NPHP4: variants seen among roughly 807,000 people sequenced by gnomAD.
NPHP4 encodes the protein nephrocystin 4, also known as nephrocystin-4.
Under a neutral mutation model 155.8 loss-of-function variants are expected in NPHP4, and 151 were observed. That is an observed-to-expected ratio of 0.97 (90% confidence interval 0.85 to 1.11). NPHP4 has a LOEUF of 1.11. NPHP4 is among the 50% of genes least tolerant of loss of function. NPHP4 has a pLI of 0.00. For synonymous variants in NPHP4, 845 were observed against 816.8 expected (o/e 1.03, Z -0.59); for missense variants, 1,956 against 1,925.7 (o/e 1.02, Z -0.29).
chr1:5,930,785 G>T (rs1646234417), intron 10 of NPHP4, among the ~76,000 whole-genome samples: 1 of 152,216 alleles, frequency 6.6e-6, no homozygotes, highest in South Asian at 2.1e-4. Flanking sequence ...TTCCGATCCA[G>T]TTGGTCGATG....
chr1:5,875,610 C>CG (rs1445978658), intron 20 of NPHP4, among the ~76,000 whole-genome samples: 1 of 152,102 alleles, frequency 6.6e-6, no homozygotes, highest in Non-Finnish European at 1.5e-5. Context: ...TCAGCCACCC[C>CG]CTTGCTCTGA....
At chr1:5,940,946 T>G in intron 9 of NPHP4, among the ~76,000 whole-genome samples, 1 of 152,118 alleles carries the variant, frequency 6.6e-6, no homozygotes, top group East Asian at 1.9e-4. Flanking sequence ...CTAGACCTCT[T>G]GATACAAAAG....
intron 16 of NPHP4, among the ~76,000 whole-genome samples, chr1:5,896,076 G>A (rs1380344645): frequency 6.6e-6 from 1 of 152,180 alleles, no homozygotes; most frequent in African/African-American, 2.4e-5. Flanking sequence ...TAGAAAACAG[G>A]GAAAATAAAA....
intron 9 of NPHP4, among the ~76,000 whole-genome samples, chr1:5,943,276 A>G (rs1278653201): frequency 6.6e-6 from 1 of 152,168 alleles, no homozygotes; most frequent in African/African-American, 2.4e-5. Flanking sequence ...TCTTGGCAAA[A>G]CTTTTGTTCC....
intron 11 of NPHP4, among the ~76,000 whole-genome samples, chr1:5,917,358 GA>G (rs1645527337): frequency 6.6e-6 from 1 of 152,082 alleles, no homozygotes; most frequent in African/African-American, 2.4e-5. Context: ...ACCATGTGGA[GA>G]AACTCTACCC....
At chr1:5,891,640 T>C (rs1371677482) in intron 16 of NPHP4, among the ~76,000 whole-genome samples, 1 of 152,250 alleles carries the variant, frequency 6.6e-6, no homozygotes, top group Non-Finnish European at 1.5e-5. Context: ...AAAAATGCCA[T>C]TCAAACCATC....
Position 5,905,778 on chromosome 1 carries a change from C to A in NPHP4, c.1617G>T (p.Glu539Asp), listed in dbSNP as rs1352782560. ...GGGAGATACCGGCCTCCAACGGGAA[C>A]TCCTGCTGAACAAAACGAGGGCTTC... ...GSQASPAQAQ[E>D]FPLEAGISHL... The change falls in exon 14 of 30, where the codon GAG (glutamate) becomes GAT (aspartate). Residue 539 changes from glutamate (E) to aspartate (D), a missense_variant. Glu to Asp is a conservative substitution (Grantham distance 45). Transcript: ENST00000378156. This position sits in a 1 kb window ranked among gnomAD's most constrained non-coding sequence, Gnocchi z 4.0. The A allele has an allele frequency of 1.2e-6, 2 of 1,606,106 alleles. No homozygotes were observed. The highest frequency in any genetic ancestry group is 1.7e-6 in the Non-Finnish European group (2 of 1,176,140).
At chr1:5,888,475 T>G (rs1005781048) in intron 17 of NPHP4, 68 of 1,220,884 alleles carry the variant, frequency 5.6e-5, no homozygotes, top group Non-Finnish European at 6.8e-5. Context: ...CCTTCCCTTG[T>G]GGGTCTGGGG....
At position 5,967,311 on chromosome 1, in the gene NPHP4, C is replaced by G. The variant is rs1237544876; in HGVS notation, c.505G>C (p.Asp169His). ...PRALLHPLLQ[D>H]PAEQNRHMTL... is the part of the protein sequence containing the mutation. ...GTCTGGCTCTTACGCTCTGCGGGGT[C>G]CTGGAGAAGCGGGTGCAGGAGGGCT... Residue 169 changes from aspartate (D) to histidine (H), a missense_variant, in exon 5 of 30, where the codon GAC becomes CAC. Coordinates refer to ENST00000378156, the MANE Select transcript of NPHP4 (RefSeq NM_015102.5). 2 of 1,604,776 alleles carry G rather than the reference C, an allele frequency of 1.2e-6. No individual in the cohort carries two copies. Among genetic ancestry groups the G allele is most frequent in the Admixed American group, 3.4e-5 (2 of 58,716 alleles).
chr1:5,934,602 G>A (rs556911603), intron 9 of NPHP4, among the ~76,000 whole-genome samples: 29 of 152,296 alleles, frequency 1.9e-4, no homozygotes, highest in African/African-American at 5.8e-4. Flanking sequence ...AAAATGGGGT[G>A]GCTCCCCACT....
chr1:5,880,920 C>T (rs550629853), intron 18 of NPHP4: 37 of 152,646 alleles, frequency 2.4e-4, no homozygotes, highest in South Asian at 4.1e-4. Context: ...GCACCGCCAA[C>T]GAAGCTGTGT....
At chr1:5,982,552 C>T (rs1167453867) in intron 2 of NPHP4, among the ~76,000 whole-genome samples, 1 of 152,192 alleles carries the variant, frequency 6.6e-6, no homozygotes, top group Non-Finnish European at 1.5e-5. Context: ...CCATTTCCTT[C>T]CTTCTAGTTA....
chr1:5,870,799 G>A lies in NPHP4; in HGVS notation c.3315+2453C>T, dbSNP rs573477259. Among the ~76,000 whole-genome samples the A allele has an allele frequency of 1.8e-3, 271 of 152,304 alleles. 2 individuals carry two copies. Among genetic ancestry groups the A allele is most frequent in the African/African-American group, 6.0e-3 (250 of 41,558 alleles). ...TGCATAACCTGGGTCTAACTGAAAC[G>A]AACACCAGACCAGCCCCACTGGGCA... is the stretch of plus-strand genomic sequence containing the variant. On this transcript the variant is annotated intron_variant, in intron 23 of 29. Transcript: ENST00000378156.
At chr1:5,961,998 G>A (rs1225846816) in intron 5 of NPHP4, 49 bp from the exon 6 acceptor site, 2 of 1,488,236 alleles carry the variant, frequency 1.3e-6, no homozygotes, top group East Asian at 2.3e-5. Flanking sequence ...AAGCAAAGGT[G>A]CTTCCAGTCA....
Position 5,866,364 on chromosome 1 carries a change from T to C in NPHP4, c.3644+9A>G, listed in dbSNP as rs1212503871. 4 of 1,581,118 alleles carry C rather than the reference T, an allele frequency of 2.5e-6. No individual in the cohort carries two copies. In the South Asian group the frequency reaches 4.5e-5, roughly 18 times the overall value. ...ACCGCCTCCAGGTCCCCAAAGCCTG[T>C]GCACTTACGAGTAAATGATGACAAA... On this transcript the variant is annotated intron_variant, in intron 26 of 29. Transcript: ENST00000378156.
intron 19 of NPHP4, among the ~76,000 whole-genome samples, chr1:5,877,990 C>T (rs1248254884): frequency 1.3e-5 from 2 of 152,202 alleles, no homozygotes; most frequent in African/African-American, 2.4e-5. Flanking sequence ...CTTGGGGTGT[C>T]GGGCGGGGCT....
chr1:5,905,976 C>T lies in NPHP4; in HGVS notation c.1612-193G>A, dbSNP rs538044901. On this transcript the variant is annotated intron_variant, in intron 13 of 29. Coordinates refer to ENST00000378156, the MANE Select transcript of NPHP4 (RefSeq NM_015102.5). This position sits in a 1 kb window ranked among gnomAD's most constrained non-coding sequence, Gnocchi z 4.0. ...GATTTTAGTATAAGTATGGTCCCTACGATATTTGGGATATACTTACACTAA... is the reference window on the plus strand; with the variant it reads ...GATTTTAGTATAAGTATGGTCCCTATGATATTTGGGATATACTTACACTAA... Among the ~76,000 whole-genome samples the T allele has an allele frequency of 6.6e-6, 1 of 152,138 alleles. No homozygotes were observed. Among genetic ancestry groups the T allele is most frequent in the Non-Finnish European group, 1.5e-5 (1 of 68,024 alleles).
intron 23 of NPHP4, chr1:5,868,158 G>C (rs763346808): frequency 1.7e-6 from 1 of 586,620 alleles, no homozygotes; most frequent in Admixed American, 2.3e-5. Context: ...TATTCCTCGC[G>C]AGTACAGCAC....
At chr1:5,886,259 T>C (rs999631228) in intron 18 of NPHP4, among the ~76,000 whole-genome samples, 9 of 152,242 alleles carry the variant, frequency 5.9e-5, no homozygotes, top group African/African-American at 2.2e-4. Context: ...TATTGTCTAT[T>C]TACCAGGCCG....
Sources: allele counts gnomAD v4.1 joint callset (sites outside exome capture counted in the v4.1 genomes callset), GRCh38; gene constraint gnomAD v4.1.1; non-coding constraint Gnocchi (gnomAD v3.1); transcripts MANE v1.5; gene names NCBI Gene and HGNC (gene_info 2026-07-23, HGNC 2026-07-21).